GRID2: variants seen among roughly 807,000 people sequenced by gnomAD.
GRID2 encodes the protein glutamate receptor ionotropic, delta-2.
In GRID2, 33 loss-of-function variants were observed where a neutral mutation model predicts 114.8. The ratio of observed to expected loss-of-function variants is 0.29; its 90% CI spans 0.22 to 0.38. The LOEUF (loss-of-function observed/expected upper bound fraction) is 0.38, where lower values mean the gene tolerates loss of function less well. GRID2 is among the 10% of genes least tolerant of loss of function. The pLI is 1.00. For missense variants in GRID2, 1,184 were observed against 1,257.7 expected (o/e 0.94, Z 0.89); for synonymous variants, 505 against 449.9 (o/e 1.12, Z -1.55).
intron 14 of GRID2, among the ~76,000 whole-genome samples, chr4:93,747,137 G>C (rs948702803): frequency 1.3e-5 from 2 of 152,160 alleles, no homozygotes; most frequent in Middle Eastern, 6.8e-3. Context: ...CCGAAACACA[G>C]TTGGAAGCAA....
chr4:93,150,250 A>T lies in GRID2; in HGVS notation c.735+39297A>T, dbSNP rs1736616844. On this transcript the variant is annotated intron_variant, in intron 4 of 15. Coordinates refer to ENST00000282020, the MANE Select transcript of GRID2 (RefSeq NM_001510.4). ...AGTGGAAAATTTAAGGAGGTAATTTAAGATTACTTTTATTAAAAGGAATGT... is the reference window on the plus strand; with the variant it reads ...AGTGGAAAATTTAAGGAGGTAATTTTAGATTACTTTTATTAAAAGGAATGT... 3.9e-5 allele frequency among the ~76,000 whole-genome samples: 6 copies of T among 152,260 alleles called. No individual in the cohort carries two copies. The South Asian group carries it at 1.2e-3, about 32-fold the overall frequency.
intron 1 of GRID2, among the ~76,000 whole-genome samples, chr4:92,403,725 TA>T (rs1730901878): frequency 6.7e-6 from 1 of 149,988 alleles, no homozygotes; most frequent in African/African-American, 2.5e-5. Flanking sequence ...AATAAATAAA[TA>T]AATAAATAAA....
chr4:92,438,578 CTG>C (rs34304139), intron 1 of GRID2, among the ~76,000 whole-genome samples: 1,934 of 146,578 alleles, frequency 0.013, 22 homozygotes, highest in Middle Eastern at 0.032. Context: ...AGTTTACCTT[CTG>C]TGTGTGTGTG....
At chr4:93,314,612 C>G (rs1756384459) in intron 8 of GRID2, among the ~76,000 whole-genome samples, 1 of 151,944 alleles carries the variant, frequency 6.6e-6, no homozygotes, top group South Asian at 2.1e-4. Context: ...ATAAGCCTGC[C>G]CCGATTGTAT....
intron 1 of GRID2, among the ~76,000 whole-genome samples, chr4:92,532,578 G>A (rs1407808464): frequency 2.0e-5 from 3 of 152,072 alleles, no homozygotes; most frequent in Admixed American, 1.3e-4. Context: ...AATTGCCCGT[G>A]TGTAGAATAA....
intron 4 of GRID2, among the ~76,000 whole-genome samples, chr4:93,160,565 G>T (rs550758440): frequency 3.4e-4 from 52 of 151,760 alleles, no homozygotes; most frequent in South Asian, 3.1e-3. Flanking sequence ...TTTTGGCAAG[G>T]TTCCTTTCCC....
chr4:93,330,387 G>C (rs1758298928), intron 8 of GRID2, among the ~76,000 whole-genome samples: 1 of 152,136 alleles, frequency 6.6e-6, no homozygotes, highest in Admixed American at 6.6e-5. Flanking sequence ...GTGATTACCA[G>C]GCAAGGTTCT....
intron 1 of GRID2, among the ~76,000 whole-genome samples, chr4:92,512,769 A>G (rs1406514535): frequency 1.3e-5 from 2 of 151,870 alleles, no homozygotes; most frequent in African/African-American, 4.8e-5. Flanking sequence ...TCCTGTTAGA[A>G]GTAAGAATGG....
In GRID2 at chr4:92,491,141, G is replaced by A. The variant is rs530467981; in HGVS notation, c.89-98990G>A. 1.6e-4 allele frequency among the ~76,000 whole-genome samples: 25 copies of A among 152,114 alleles called. No individual in the cohort carries two copies. The South Asian group carries it at 2.7e-3, about 16-fold the overall frequency. ...GCATTTTTCCCTAACATATTAGCCC[G>A]ATAAATATTTGCTGAATCACTATTT... On this transcript the variant is annotated intron_variant, in intron 1 of 15. Coordinates refer to ENST00000282020, the MANE Select transcript of GRID2 (RefSeq NM_001510.4).
At position 93,723,639 on chromosome 4, in the gene GRID2, AT is replaced by A. The variant is rs372341814; in HGVS notation, c.2361-45568del. On this transcript the variant is annotated intron_variant, in intron 14 of 15. Coordinates refer to ENST00000282020, the MANE Select transcript of GRID2 (RefSeq NM_001510.4). ...TTTCAATGGCTTTTATGAACTTACT[AT>A]TTCCCCCAGGGGATATAAAGATACC... 3.0e-3 allele frequency among the ~76,000 whole-genome samples: 461 copies of A among 152,286 alleles called. 3 individuals carry two copies. Among genetic ancestry groups the A allele is most frequent in the African/African-American group, 0.011 (442 of 41,560 alleles).
At chr4:92,726,782 C>G (rs1736089343) in intron 2 of GRID2, among the ~76,000 whole-genome samples, 1 of 151,988 alleles carries the variant, frequency 6.6e-6, no homozygotes, top group South Asian at 2.1e-4. Context: ...ATTCTATGTA[C>G]CAGAACATTG....
In GRID2 at chr4:93,754,736, C is replaced by T. The variant is rs1467698973; in HGVS notation, c.2361-14474C>T. 2.0e-5 allele frequency among the ~76,000 whole-genome samples: 3 copies of T among 152,262 alleles called. No individual in the cohort carries two copies. In the East Asian group the frequency reaches 5.8e-4, roughly 29 times the overall value. ...GCTCCTATAATAAGTATTTCAGATG[C>T]CTACTTAGCTGGGTTGCTTTCATTT... is the stretch of plus-strand genomic sequence containing the variant. On this transcript the variant is annotated intron_variant, in intron 14 of 15. Transcript: ENST00000282020.
intron 4 of GRID2, among the ~76,000 whole-genome samples, chr4:93,182,526 TTCTC>T (rs908980149): frequency 7.2e-5 from 11 of 152,170 alleles, no homozygotes; most frequent in African/African-American, 1.7e-4. Flanking sequence ...AGATTTAACT[TTCTC>T]TCTACTTCAG....
chr4:93,273,275 T>G (rs1751691722), intron 8 of GRID2, among the ~76,000 whole-genome samples: 1 of 152,214 alleles, frequency 6.6e-6, no homozygotes, highest in South Asian at 2.1e-4. Flanking sequence ...TAGTTTGACT[T>G]TTACTTTACT....
At chr4:93,413,625 G>A (rs1767425050) in intron 9 of GRID2, among the ~76,000 whole-genome samples, 1 of 152,060 alleles carries the variant, frequency 6.6e-6, no homozygotes, top group Non-Finnish European at 1.5e-5. Flanking sequence ...ATTTTAATTT[G>A]TATTCCCCAA....
At chr4:92,326,304 AT>A (rs1221728642) in intron 1 of GRID2, among the ~76,000 whole-genome samples, 2 of 151,924 alleles carry the variant, frequency 1.3e-5, no homozygotes, top group Non-Finnish European at 2.9e-5. Flanking sequence ...CACAATACTA[AT>A]TTAAAGGCAT....
intron 13 of GRID2, among the ~76,000 whole-genome samples, chr4:93,556,893 C>G (rs1734375041): frequency 6.6e-6 from 1 of 152,314 alleles, no homozygotes; most frequent in Admixed American, 6.5e-5. Context: ...CAGCAGATCT[C>G]TCTGCAGAAA....
At chr4:92,747,618 C>T (rs1362605150) in intron 2 of GRID2, among the ~76,000 whole-genome samples, 5 of 152,056 alleles carry the variant, frequency 3.3e-5, no homozygotes, top group African/African-American at 4.8e-5. Context: ...TTTTCAATTA[C>T]ACTTTCTAAA....
At chr4:93,696,056 A>G (rs1726991308) in intron 14 of GRID2, among the ~76,000 whole-genome samples, 1 of 152,242 alleles carries the variant, frequency 6.6e-6, no homozygotes, top group Admixed American at 6.5e-5. Flanking sequence ...ATATGTAAAT[A>G]ACCATAATCA....
Sources: gnomAD v4.1 joint callset for allele counts (sites outside exome capture counted in the v4.1 genomes callset) on GRCh38, gnomAD v4.1.1 for gene constraint, MANE v1.5 for transcripts, NCBI Gene and HGNC (gene_info 2026-07-23, HGNC 2026-07-21) for gene names.